The following ADRA1B variants were observed in gnomAD, a reference collection of about 807,000 sequenced individuals.
ADRA1B encodes alpha-1B adrenergic receptor.
ADRA1B carries 17 observed loss-of-function variants against 17.9 expected under a neutral mutation model. The ratio of observed to expected loss-of-function variants is 0.95; its 90% CI spans 0.65 to 1.42. The LOEUF is 1.42. ADRA1B is among the 40% of genes most tolerant of loss of function. The pLI is 0.00. For missense variants in ADRA1B, 681 were observed against 722.1 expected, an observed-to-expected ratio of 0.94 and a Z score of 0.65; for synonymous variants, 366 against 327.6, an observed-to-expected ratio of 1.12 and a Z score of -1.27.
chr5:159,969,277 A>T (rs1211340978), intron 1 of ADRA1B, among the ~76,000 whole-genome samples: 3 of 152,156 alleles, frequency 2.0e-5, no homozygotes, highest in African/African-American at 7.2e-5. Context: ...CTCCTGGCTG[A>T]CTTACTCCTG....
In ADRA1B at chr5:159,899,255, G is replaced by GAAGA. The variant is rs1208375249; in HGVS notation, c.-255-16861_-255-16860insAAAG. ...AGGAGGGAGGGAGGAAGGAAGGAAG[G>GAAGA]AAGGAAGAAAGGAAGGAAGGAAGGA... On this transcript the variant is annotated intron_variant, in intron 1 of 2. Coordinates refer to the ADRA1B transcript ENST00000641205. Among the ~76,000 whole-genome samples the GAAGA allele has an allele frequency of 7.5e-4, 103 of 136,640 alleles. No individual in the cohort carries two copies. In the Middle Eastern group the frequency reaches 0.011, roughly 15 times the overall value. 89.6% of individuals were successfully genotyped at this position (136,640 alleles called of 152,430 possible). A position where few individuals can be genotyped will look rare whatever the true frequency, so the allele number is the denominator to read the frequency against.
chr5:159,883,364 T>G (rs1405448837), intron 1 of ADRA1B, among the ~76,000 whole-genome samples: 1 of 152,234 alleles, frequency 6.6e-6, no homozygotes, highest in Admixed American at 6.5e-5. Flanking sequence ...TTCTTTGGGA[T>G]TGAAACAGAG....
At chr5:159,899,144 CAGGA>C (rs910087875) in intron 1 of ADRA1B, among the ~76,000 whole-genome samples, 1 of 145,304 alleles carries the variant, frequency 6.9e-6, no homozygotes, top group Non-Finnish European at 1.5e-5. Flanking sequence ...GAGACCCTGT[CAGGA>C]AGGAAGGAAG....
intron 1 of ADRA1B, among the ~76,000 whole-genome samples, chr5:159,900,361 T>C (rs191278080): frequency 6.6e-6 from 1 of 152,368 alleles, no homozygotes; most frequent in Admixed American, 6.5e-5. Context: ...GTGGAATACA[T>C]CTTTCCGTTT....
chr5:159,948,587 C>A, intron 1 of ADRA1B: 1 of 473,934 alleles, frequency 2.1e-6, no homozygotes, highest in Non-Finnish European at 2.8e-6. Flanking sequence ...TTAAACATAA[C>A]CACTGAAATG....
At chr5:159,865,684 C>T (rs143029624) in intron 1 of ADRA1B, among the ~76,000 whole-genome samples, 3 of 152,266 alleles carry the variant, frequency 2.0e-5, no homozygotes, top group African/African-American at 7.2e-5. Context: ...TTGAAGAAAT[C>T]CAGAAAGCCC....
chr5:159,950,959 G>T, intron 1 of ADRA1B: 1 of 586,788 alleles, frequency 1.7e-6, no homozygotes, highest in South Asian at 1.6e-5. Flanking sequence ...GGGTGGCAGT[G>T]ATGGCGTGGA....
intron 1 of ADRA1B, among the ~76,000 whole-genome samples, chr5:159,897,910 G>A (rs113058705): frequency 2.6e-5 from 4 of 152,336 alleles, no homozygotes; most frequent in Non-Finnish European, 4.4e-5. Flanking sequence ...GGGCACTGGC[G>A]CCTGAACAGA....
chr5:159,884,268 T>C (rs1328774560), intron 1 of ADRA1B, among the ~76,000 whole-genome samples: 1 of 152,220 alleles, frequency 6.6e-6, no homozygotes, highest in Non-Finnish European at 1.5e-5. Flanking sequence ...TGAAAGTTCA[T>C]ATGCTGGAAA....
At chr5:159,930,864 G>A (rs1186360490) in intron 1 of ADRA1B, among the ~76,000 whole-genome samples, 4 of 151,414 alleles carry the variant, frequency 2.6e-5, no homozygotes, top group African/African-American at 7.3e-5. Context: ...AATACAAATT[G>A]GGTTTCAGTA....
intron 1 of ADRA1B, among the ~76,000 whole-genome samples, chr5:159,873,436 C>CTGCAGA (rs1260661619): frequency 6.6e-6 from 1 of 152,182 alleles, no homozygotes; most frequent in Non-Finnish European, 1.5e-5. Context: ...AGAGAGCCAC[C>CTGCAGA]TTGCCCAGGA....
At chr5:159,873,365 T>C (rs920095262) in intron 1 of ADRA1B, among the ~76,000 whole-genome samples, 1 of 152,204 alleles carries the variant, frequency 6.6e-6, no homozygotes, top group Admixed American at 6.5e-5. Flanking sequence ...CTGAGTCCGC[T>C]GCTGCAAGTG....
chr5:159,924,065 ACTT>A (rs776041567), intron 1 of ADRA1B, among the ~76,000 whole-genome samples: 10 of 152,264 alleles, frequency 6.6e-5, no homozygotes, highest in Admixed American at 1.3e-4. Flanking sequence ...TTGTTAGTAC[ACTT>A]CTTCTCCAAC....
At chr5:159,881,286 C>A (rs942548765) in intron 1 of ADRA1B, among the ~76,000 whole-genome samples, 1 of 128,228 alleles carries the variant, frequency 7.8e-6, no homozygotes, top group Admixed American at 7.8e-5. Flanking sequence ...GGAATGAGAA[C>A]AATATCAGAA....
At position 159,972,286 on chromosome 5, in the gene ADRA1B, C is replaced by G; in HGVS notation, c.1357C>G (p.Leu453Val). 1 of 1,407,744 alleles carries G rather than the reference C, an allele frequency of 7.1e-7. No homozygotes were observed. The allele number at this position is 1,407,744 out of a possible 1,614,324, so 87.2% of individuals were successfully genotyped here. Residue 453 changes from leucine to valine, a missense_variant, in exon 2 of 2, where the codon CTC becomes GTC. Leu to Val is a conservative substitution (Grantham distance 32, BLOSUM62 1). This residue lies in a region of ADRA1B where 251 missense variants were observed against 224.9 expected (regional missense o/e 1.12). Transcript: ENST00000306675. ...AFPEWKAPGA[L>V]LSLPAPEPPG... is the part of the protein sequence containing the mutation. ...CCCCGAGTGGAAGGCGCCCGGCGCC[C>G]TCCTGAGCCTGCCCGCGCCTGAGCC... is the stretch of plus-strand genomic sequence containing the variant.
rs560572277 is a variant in ADRA1B, at chr5:159,894,725, A to G, written c.-255-21394A>G. 2.6e-5 allele frequency among the ~76,000 whole-genome samples: 4 copies of G among 152,322 alleles called. No homozygotes were observed. In the South Asian group the frequency reaches 8.3e-4, roughly 32 times the overall value. Reference sequence around the variant, plus strand: ...ATGCATGAGGTAGGGATAGAGCAACATCAGGGGAGAGGGCCACTCACTATG... The same window carrying G: ...ATGCATGAGGTAGGGATAGAGCAACGTCAGGGGAGAGGGCCACTCACTATG... On this transcript the variant is annotated intron_variant, in intron 1 of 2. Coordinates refer to the ADRA1B transcript ENST00000641205.
chr5:159,935,845 C>T (rs1404849242), intron 1 of ADRA1B, among the ~76,000 whole-genome samples: 17 of 152,224 alleles, frequency 1.1e-4, no homozygotes, highest in Admixed American at 1.1e-3. Context: ...CCGCACCTAG[C>T]CTCTTCTATA....
chr5:159,897,830 G>T (rs1439882878), intron 1 of ADRA1B, among the ~76,000 whole-genome samples: 1 of 152,152 alleles, frequency 6.6e-6, no homozygotes, highest in African/African-American at 2.4e-5. Flanking sequence ...TGACCTAAGG[G>T]GACATCTAAG....
chr5:159,967,975 T>C (rs1755805295), intron 1 of ADRA1B, among the ~76,000 whole-genome samples: 1 of 152,038 alleles, frequency 6.6e-6, no homozygotes, highest in Non-Finnish European at 1.5e-5. Flanking sequence ...AGGGGGAAAG[T>C]AAAATTTATG....
Sources: allele counts gnomAD v4.1 joint callset (sites outside exome capture counted in the v4.1 genomes callset), GRCh38; gene constraint gnomAD v4.1.1; regional missense constraint gnomAD v4.1.1; transcripts MANE v1.5; gene names NCBI Gene and HGNC (gene_info 2026-07-23, HGNC 2026-07-21).